The following MEGF6 variants were observed in gnomAD, a reference collection of about 807,000 sequenced individuals.
The protein encoded by MEGF6 is multiple epidermal growth factor-like domains protein 6.
In MEGF6, 184 loss-of-function variants were observed where a neutral mutation model predicts 207.1. That is an observed-to-expected ratio of 0.89 (90% CI 0.79 to 1.00). MEGF6 has a LOEUF of 1.00. MEGF6 is among the 50% of genes least tolerant of loss of function. The pLI is 0.00. For synonymous variants in MEGF6, 1,038 were observed against 910.0 expected (o/e 1.14, Z -2.53); for missense variants, 2,282 against 2,202.9 (o/e 1.04, Z -0.72).
intron 3 of MEGF6, among the ~76,000 whole-genome samples, chr1:3,581,239 G>A (rs1237671994): frequency 2.6e-5 from 4 of 152,042 alleles, no homozygotes; most frequent in African/African-American, 4.8e-5. Context: ...AGAGAAACAC[G>A]GGTCCCTGTG....
Position 3,490,591 on chromosome 1 carries a change from T to C in MEGF6, c.4565-2A>G, listed in dbSNP as rs1243721800. The C allele has an allele frequency of 1.2e-6, 2 of 1,612,992 alleles. No individual in the cohort carries two copies. Among genetic ancestry groups the C allele is most frequent in the South Asian group, 2.2e-5 (2 of 91,048 alleles). ...TGCTGGAGGCGGGCAGTGTGCCCGC[T>C]GGGGAAAAGGAGAAAAGAGGGCCAG... On this transcript the variant is annotated splice_acceptor_variant, in intron 36 of 36. Transcript: ENST00000356575. LOFTEE classifies it high-confidence loss of function.
intron 4 of MEGF6, among the ~76,000 whole-genome samples, chr1:3,575,438 C>T (rs1643613461): frequency 6.6e-6 from 1 of 152,196 alleles, no homozygotes; most frequent in African/African-American, 2.4e-5. Context: ...CCCTGGACCA[C>T]TCTGGGAGAC....
intron 4 of MEGF6, among the ~76,000 whole-genome samples, chr1:3,527,377 G>A (rs72853548): frequency 0.021 from 3,205 of 152,300 alleles, 95 homozygotes; most frequent in African/African-American, 0.073. Flanking sequence ...GAGATGACAC[G>A]AACAGCCCCA....
intron 1 of MEGF6, among the ~76,000 whole-genome samples, chr1:3,610,911 G>C (rs138591622): frequency 0.018 from 2,783 of 152,170 alleles, 87 homozygotes; most frequent in African/African-American, 0.064. Context: ...CAAAAGAAGG[G>C]GAGAGTGGGA....
At position 3,574,007 on chromosome 1, in the gene MEGF6, C is replaced by T. The variant is rs114369125; in HGVS notation, c.481+5818G>A. Among the ~76,000 whole-genome samples the T allele has an allele frequency of 7.8e-3, 1,191 of 152,282 alleles. 19 individuals carry two copies. Among genetic ancestry groups the T allele is most frequent in the African/African-American group, 0.027 (1,118 of 41,560 alleles). On this transcript the variant is annotated intron_variant, in intron 4 of 36. Transcript: ENST00000356575. The stretch of plus-strand genomic sequence containing the variant: ...CTGCTTCCTGGCATAGCCTCAGGGC[C>T]CCAACAGCTGCCAGAGCCACCTCCA...
chr1:3,607,544 C>A (rs992005543), intron 1 of MEGF6, among the ~76,000 whole-genome samples: 1 of 152,204 alleles, frequency 6.6e-6, no homozygotes, highest in Non-Finnish European at 1.5e-5. Context: ...CGCACCCGCA[C>A]GGCCCCGGCG....
intron 4 of MEGF6, among the ~76,000 whole-genome samples, chr1:3,528,030 G>C (rs971998223): frequency 6.6e-6 from 1 of 152,218 alleles, no homozygotes; most frequent in East Asian, 1.9e-4. Flanking sequence ...GGGCCTGGGT[G>C]GGGGTGCTGA....
At chr1:3,555,833 A>G (rs7516644) in intron 4 of MEGF6, among the ~76,000 whole-genome samples, 7,122 of 152,314 alleles carry the variant, frequency 0.047, 233 homozygotes, top group African/African-American at 0.079. Context: ...CCAACCAAGG[A>G]AGCGAGGTAT....
intron 4 of MEGF6, among the ~76,000 whole-genome samples, chr1:3,557,619 G>A (rs992152981): frequency 6.6e-6 from 1 of 152,234 alleles, no homozygotes; most frequent in African/African-American, 2.4e-5. Context: ...ACAGGCCACA[G>A]GGAGCCGGAC....
intron 14 of MEGF6, 40 bp downstream of exon 14, chr1:3,507,755 C>T (rs771424068): frequency 6.2e-7 from 1 of 1,612,324 alleles, no homozygotes; most frequent in South Asian, 1.1e-5. Context: ...CCTTACAGCC[C>T]AGGGGTAATT....
chr1:3,496,810 G>A, intron 28 of MEGF6, 27 bp from the exon 29 acceptor site: 1 of 1,547,566 alleles, frequency 6.5e-7, no homozygotes, highest in South Asian at 1.2e-5. Flanking sequence ...TAGCTGCAGG[G>A]GCTGGGGCTG....
At chr1:3,516,001 C>A (rs2101094384) in intron 5 of MEGF6, among the ~76,000 whole-genome samples, 1 of 152,350 alleles carries the variant, frequency 6.6e-6, no homozygotes, top group Non-Finnish European at 1.5e-5. Context: ...AGGGTGGGGG[C>A]AGATGTGGGG....
At chr1:3,542,099 C>A (rs1319114684) in intron 4 of MEGF6, among the ~76,000 whole-genome samples, 1 of 152,066 alleles carries the variant, frequency 6.6e-6, no homozygotes, top group African/African-American at 2.4e-5. Flanking sequence ...CCCCCGGCTG[C>A]CCCGTTTCCC....
chr1:3,578,067 C>A (rs951911638), intron 4 of MEGF6, among the ~76,000 whole-genome samples: 3 of 152,162 alleles, frequency 2.0e-5, no homozygotes, highest in African/African-American at 7.2e-5. Flanking sequence ...GGGCAGAAGG[C>A]CAGCCCTGAG....
intron 1 of MEGF6, 139 bp downstream of exon 1, chr1:3,610,999 C>T (rs1054280779): frequency 3.4e-6 from 4 of 1,172,380 alleles, no homozygotes; most frequent in East Asian, 3.2e-5. Context: ...GTCTCAGCCA[C>T]CTCCTCCCCA....
chr1:3,512,235 G>A (rs753640046), intron 7 of MEGF6, 107 bp from the exon 8 acceptor site: 116 of 1,405,588 alleles, frequency 8.3e-5, no homozygotes, highest in Admixed American at 1.2e-4. Flanking sequence ...GCCTGTGGCC[G>A]CATGACACAG....
At chr1:3,598,397 C>T (rs1358523584) in intron 2 of MEGF6, among the ~76,000 whole-genome samples, 2 of 152,220 alleles carry the variant, frequency 1.3e-5, no homozygotes, top group Admixed American at 6.5e-5. Context: ...TTGCAAACCC[C>T]GTCTTGGCAG....
At chr1:3,492,881 C>A in intron 34 of MEGF6, 114 bp from the exon 35 acceptor site, 1 of 1,445,178 alleles carries the variant, frequency 6.9e-7, no homozygotes. Flanking sequence ...AAGCCTTCTG[C>A]CTGGGTGTGT....
intron 10 of MEGF6, 56 bp downstream of exon 10, chr1:3,510,727 T>C: frequency 6.4e-7 from 1 of 1,551,168 alleles, no homozygotes; most frequent in Middle Eastern, 2.2e-4. Flanking sequence ...TGTCCTTCCT[T>C]AGGGCAGCCC....
Sources: allele counts gnomAD v4.1 joint callset (sites outside exome capture counted in the v4.1 genomes callset), GRCh38; gene constraint gnomAD v4.1.1; transcripts MANE v1.5; gene names NCBI Gene and HGNC (gene_info 2026-07-23, HGNC 2026-07-21).